PGBD2: variants seen among roughly 807,000 people sequenced by gnomAD.
PGBD2 encodes piggyBac transposable element derived 2.
PGBD2 carries 6 observed loss-of-function variants against 8.1 expected under a neutral mutation model. That is an observed-to-expected ratio of 0.74 (90% CI 0.40 to 1.46). PGBD2 has a LOEUF of 1.46. Ranked by LOEUF, PGBD2 falls within the 40% of genes most tolerant of loss-of-function variation. The probability of loss-of-function intolerance (pLI) is 0.02; values close to 1 mark genes in which losing one functional copy is unlikely to be tolerated. For missense variants in PGBD2, 802 were observed against 739.0 expected (o/e 1.09, Z -0.99); for synonymous variants, 318 against 272.2 (o/e 1.17, Z -1.66).
chr1:248,903,449 A>G (rs541165240), upstream of PGBD2, among the ~76,000 whole-genome samples: 150 of 152,336 alleles, frequency 9.8e-4, no homozygotes, highest in African/African-American at 3.2e-3. Context: ...TCAGGCTTCC[A>G]AAGTGCTGGG....
At chr1:248,899,408 C>G in the PGBD2 span, among the ~76,000 whole-genome samples, 1 of 152,244 alleles carries the variant, frequency 6.6e-6, no homozygotes, top group South Asian at 2.1e-4. Flanking sequence ...TCTCAGAACA[C>G]AGTGCAATCA....
upstream of PGBD2, among the ~76,000 whole-genome samples, chr1:248,903,526 T>G (rs1661568651): frequency 6.6e-6 from 1 of 152,196 alleles, no homozygotes; most frequent in Non-Finnish European, 1.5e-5. Context: ...AAATCCTTAA[T>G]CATACATAGT....
the PGBD2 span, among the ~76,000 whole-genome samples, chr1:248,925,418 C>T: frequency 6.6e-6 from 1 of 152,220 alleles, no homozygotes; most frequent in Non-Finnish European, 1.5e-5. Flanking sequence ...AAACCGCTGA[C>T]TGTTGAAGCC....
chr1:248,906,000 G>A (rs1661618645), upstream of PGBD2, among the ~76,000 whole-genome samples: 1 of 152,228 alleles, frequency 6.6e-6, no homozygotes. Flanking sequence ...TGATTAGGAA[G>A]GAGCGAGGAA....
Position 248,918,389 on chromosome 1 carries a change from T to C in PGBD2, c.*26T>C. 1 of 1,518,194 alleles carries C rather than the reference T, an allele frequency of 6.6e-7. No individual in the cohort carries two copies. Among genetic ancestry groups the C allele is most frequent in the Non-Finnish European group, 8.8e-7 (1 of 1,133,680 alleles). 94.0% of individuals were successfully genotyped at this position (1,518,194 alleles called of 1,614,324 possible). On this transcript the variant is annotated 3_prime_UTR_variant, in exon 3 of 3. Transcript: ENST00000329291. Reference sequence around the variant, plus strand: ...CATCATGAGACATGCTTCTTTGGTTTATAATGAGATGTTTACAGTTAAATA... The same window carrying C: ...CATCATGAGACATGCTTCTTTGGTTCATAATGAGATGTTTACAGTTAAATA...
In PGBD2 at chr1:248,916,986, G is replaced by A; in HGVS notation, c.402G>A (p.Leu134=). ...CATCAGATCCTCATATTGAGGATCT[G>A]AAAAGCCAAGAGCTGAGTCCCGTGG... is the stretch of plus-strand genomic sequence containing the variant. ...WTASDPHIED[L]KSQELSPVGL... is the part of the protein sequence containing the mutation. Residue 134 remains leucine (L), a synonymous_variant, in exon 3 of 3, where the codon CTG becomes CTA. Coordinates refer to ENST00000329291, the MANE Select transcript of PGBD2 (RefSeq NM_170725.3). 6.2e-7 allele frequency: 1 copy of A among 1,612,542 alleles called. No homozygotes were observed.
At chr1:248,876,852 T>C in the PGBD2 span, among the ~76,000 whole-genome samples, 1 of 152,230 alleles carries the variant, frequency 6.6e-6, no homozygotes, top group Non-Finnish European at 1.5e-5. Context: ...ATTTGGGTTT[T>C]CTAGTAAAGT....
chr1:248,927,485 A>G, the PGBD2 span, among the ~76,000 whole-genome samples: 1 of 152,226 alleles, frequency 6.6e-6, no homozygotes, highest in Non-Finnish European at 1.5e-5. Context: ...ATTTTCTGCA[A>G]AGGGCTAAAT....
intron 2 of PGBD2, among the ~76,000 whole-genome samples, chr1:248,914,164 C>T (rs1226430732): frequency 6.6e-6 from 1 of 152,218 alleles, no homozygotes; most frequent in Non-Finnish European, 1.5e-5. Context: ...GATGGTTACT[C>T]CTGGGGCCAC....
chr1:248,928,142 C>G, the PGBD2 span, among the ~76,000 whole-genome samples: 16 of 152,114 alleles, frequency 1.1e-4, no homozygotes, highest in African/African-American at 1.9e-4. Context: ...GCCTTTGTCA[C>G]TTCAAACACC....
At chr1:248,912,691 T>TA (rs1228541097) in intron 1 of PGBD2, 5 of 152,172 alleles carry the variant, frequency 3.3e-5, no homozygotes, top group African/African-American at 1.2e-4. Flanking sequence ...GATTTTTTTT[T>TA]AAATATGGAA....
chr1:248,929,030 G>T, the PGBD2 span, among the ~76,000 whole-genome samples: 1 of 152,180 alleles, frequency 6.6e-6, no homozygotes, highest in Admixed American at 6.5e-5. Flanking sequence ...TGCTACTGTA[G>T]ATTCCAGTGT....
chr1:248,875,892 A>G, the PGBD2 span, among the ~76,000 whole-genome samples: 6 of 152,174 alleles, frequency 3.9e-5, no homozygotes, highest in African/African-American at 1.4e-4. Context: ...ATTTTCTTAA[A>G]TAATATTTAT....
At chr1:248,884,639 A>G in the PGBD2 span, among the ~76,000 whole-genome samples, 5 of 152,200 alleles carry the variant, frequency 3.3e-5, no homozygotes, top group Non-Finnish European at 5.9e-5. Flanking sequence ...CAAGAGTTAC[A>G]GGCAAAGACA....
intron 1 of PGBD2, among the ~76,000 whole-genome samples, chr1:248,911,427 G>A (rs1442645883): frequency 1.3e-5 from 2 of 149,444 alleles, no homozygotes; most frequent in African/African-American, 5.1e-5. Context: ...AGAGCACAGG[G>A]TTGGGGGTAA....
At chr1:248,915,976 C>G (rs1348052327) in intron 2 of PGBD2, among the ~76,000 whole-genome samples, 1 of 152,192 alleles carries the variant, frequency 6.6e-6, no homozygotes, top group Non-Finnish European at 1.5e-5. Context: ...TTGCCAGTTT[C>G]TGTTATCTGG....
At chr1:248,906,719 A>G (rs7536197) in intron 1 of PGBD2, among the ~76,000 whole-genome samples, 23,389 of 149,580 alleles carry the variant, frequency 0.16, 4,580 homozygotes, top group African/African-American at 0.46. Flanking sequence ...CGGGACTGCG[A>G]ATGCCACGTC....
At chr1:248,873,426 C>T in the PGBD2 span, among the ~76,000 whole-genome samples, 3 of 152,190 alleles carry the variant, frequency 2.0e-5, no homozygotes, top group Non-Finnish European at 1.5e-5. Context: ...AAGCAGAAAG[C>T]CGCTATAATA....
At chr1:248,897,114 A>G in the PGBD2 span, among the ~76,000 whole-genome samples, 1 of 152,134 alleles carries the variant, frequency 6.6e-6, no homozygotes, top group Non-Finnish European at 1.5e-5. Flanking sequence ...AATTTAGCCT[A>G]AATATTTGCC....
Sources: gnomAD v4.1 joint callset for allele counts (sites outside exome capture counted in the v4.1 genomes callset) on GRCh38, gnomAD v4.1.1 for gene constraint, MANE v1.5 for transcripts, NCBI Gene and HGNC (gene_info 2026-07-23, HGNC 2026-07-21) for gene names.